PHF21B: variants seen among roughly 807,000 people sequenced by gnomAD.
PHF21B encodes PHD finger protein 4.
Under a neutral mutation model 62.2 loss-of-function variants are expected in PHF21B, and 22 were observed. That is an observed-to-expected ratio of 0.35 (90% CI 0.25 to 0.51). The LOEUF is 0.51. Ranked by LOEUF, PHF21B falls within the 20% of genes least tolerant of loss-of-function variation. The pLI, the probability that PHF21B is intolerant of heterozygous loss-of-function variation, is 0.97. For missense variants in PHF21B, 701 were observed against 707.9 expected, an observed-to-expected ratio of 0.99 and a Z score of 0.11; for synonymous variants, 341 against 314.7, an observed-to-expected ratio of 1.08 and a Z score of -0.88.
chr22:44,984,891 A>T (rs1451322420), intron 2 of PHF21B, among the ~76,000 whole-genome samples: 1 of 152,196 alleles, frequency 6.6e-6, no homozygotes, highest in African/African-American at 2.4e-5. Flanking sequence ...GATTTGTCAG[A>T]CCTATCAAGT....
Position 45,009,403 on chromosome 22 carries a change from A to T in PHF21B, c.54+93T>A, listed in dbSNP as rs2073384458. The T allele has an allele frequency of 1.5e-6, 2 of 1,294,880 alleles. No homozygotes were observed. The highest frequency in any genetic ancestry group is 1.9e-4 in the Middle Eastern group (1 of 5,200). The allele number at this position is 1,294,880 out of a possible 1,614,324, so 80.2% of individuals were successfully genotyped here. A position where few individuals can be genotyped will look rare whatever the true frequency, so the allele number is the denominator to read the frequency against. ...GCAGGCTCCAGCCTGGAAGACCCAGAGACCCGGAAGAGAGGATGCTGGGCT... is the reference window on the plus strand; with the variant it reads ...GCAGGCTCCAGCCTGGAAGACCCAGTGACCCGGAAGAGAGGATGCTGGGCT... On this transcript the variant is annotated intron_variant, in intron 1 of 12. Transcript: ENST00000313237. The surrounding 1 kb of genome is among the most constrained non-coding windows in gnomAD (Gnocchi z 5.9).
intron 5 of PHF21B, among the ~76,000 whole-genome samples, chr22:44,906,231 C>T (rs1443765104): frequency 6.6e-6 from 1 of 152,172 alleles, no homozygotes; most frequent in African/African-American, 2.4e-5. Context: ...GGTCCATTCA[C>T]GTGAACCCAG....
At chr22:44,893,629 G>A in intron 6 of PHF21B, 96 bp from the exon 7 acceptor site, 6 of 1,200,570 alleles carry the variant, frequency 5.0e-6, no homozygotes, top group Non-Finnish European at 7.1e-6. Context: ...ATCCCCTCCT[G>A]CTCTGAAGCC....
At chr22:45,008,832 GGC>G (rs929070118) in intron 1 of PHF21B, 1 of 1,184,354 alleles carries the variant, frequency 8.4e-7, no homozygotes, top group Admixed American at 4.6e-5. Flanking sequence ...CGCGGGGCGG[GGC>G]GGGGGCCGAG....
chr22:44,920,369 A>G, intron 3 of PHF21B, 29 bp downstream of exon 3: 1 of 1,554,100 alleles, frequency 6.4e-7, no homozygotes, highest in African/African-American at 1.4e-5. Context: ...ACAGACGGAC[A>G]CCCCAGGGCC....
chr22:44,882,818 A>C lies in PHF21B; in HGVS notation c.*268T>G. The C allele has an allele frequency of 2.4e-6, 1 of 420,430 alleles. No homozygotes were observed. Among genetic ancestry groups the C allele is most frequent in the Non-Finnish European group, 4.2e-6 (1 of 235,324 alleles). The allele number at this position is 420,430 out of a possible 1,614,324, so 26.0% of individuals were successfully genotyped here. A position where few individuals can be genotyped will look rare whatever the true frequency, so the allele number is the denominator to read the frequency against. ...GAAGCCAGAGGCCCAGGCAGCCCCG[A>C]GGTGGCCGGGGGGAGACTGTGTGCC... On this transcript the variant is annotated 3_prime_UTR_variant, in exon 13 of 13. Coordinates refer to ENST00000313237, the MANE Select transcript of PHF21B (RefSeq NM_138415.5).
chr22:44,938,051 A>C (rs781027320), intron 2 of PHF21B, among the ~76,000 whole-genome samples: 2 of 152,284 alleles, frequency 1.3e-5, no homozygotes, highest in Admixed American at 6.5e-5. Context: ...CAATGTATGC[A>C]AATTTTATCT....
intron 2 of PHF21B, among the ~76,000 whole-genome samples, chr22:44,946,172 C>G (rs2072065763): frequency 1.3e-5 from 2 of 152,024 alleles, no homozygotes; most frequent in Non-Finnish European, 2.9e-5. Context: ...AGAGGAGGTG[C>G]ACTGCGGCAG....
intron 2 of PHF21B, among the ~76,000 whole-genome samples, chr22:44,985,045 G>A (rs1251847342): frequency 6.6e-6 from 1 of 152,182 alleles, no homozygotes; most frequent in Non-Finnish European, 1.5e-5. Context: ...TGTCAGCAGG[G>A]CATCCTCCAG....
chr22:44,991,239 C>T (rs1270839868), intron 2 of PHF21B, among the ~76,000 whole-genome samples: 1 of 152,174 alleles, frequency 6.6e-6, no homozygotes, highest in East Asian at 1.9e-4. Context: ...GCTTGATGTG[C>T]ACGCTATTAA....
chr22:44,936,873 T>TC (rs200466548), intron 2 of PHF21B, among the ~76,000 whole-genome samples: 3,095 of 148,968 alleles, frequency 0.021, 113 homozygotes, highest in African/African-American at 0.07. Flanking sequence ...TTTCTTTCTT[T>TC]TTTTTTTTTT....
intron 2 of PHF21B, among the ~76,000 whole-genome samples, chr22:44,925,359 AG>A (rs1274289994): frequency 2.0e-5 from 3 of 152,230 alleles, no homozygotes; most frequent in Non-Finnish European, 4.4e-5. Context: ...CTCCACCCCT[AG>A]AATGAATATC....
intron 2 of PHF21B, among the ~76,000 whole-genome samples, chr22:44,959,983 C>G (rs9614593): frequency 0.8 from 121,051 of 152,196 alleles, 48,340 homozygotes; most frequent in East Asian, 0.89. Context: ...GGGCCAGTCT[C>G]CACCCCAGAG....
At chr22:45,006,716 T>C (rs185975035) in intron 2 of PHF21B, among the ~76,000 whole-genome samples, 1 of 152,248 alleles carries the variant, frequency 6.6e-6, no homozygotes, top group Admixed American at 6.5e-5. Context: ...GAAAAGCTCC[T>C]AGGTTATTGG....
chr22:44,948,710 G>C (rs957070753), intron 2 of PHF21B, among the ~76,000 whole-genome samples: 9 of 150,366 alleles, frequency 6.0e-5, no homozygotes, highest in African/African-American at 2.0e-4. Context: ...AAAAAAAAGA[G>C]AGACAGAGAA....
In PHF21B at chr22:44,885,449, G is replaced by C; in HGVS notation, c.1354C>G (p.Arg452Gly). ...NEHQQLEERD[R>G]RLASAVQKCL... ...ACCTGCACTGCTGACGCCAGCCGCC[G>C]GTCCCGCTCCTCCAGCTGCTGGTGC... is the stretch of plus-strand genomic sequence containing the variant. Residue 452 changes from arginine (R) to glycine (G), a missense_variant, in exon 12 of 13, where the codon CGG becomes GGG. Arg to Gly is a moderately radical substitution (Grantham distance 125). Transcript: ENST00000313237. 1 of 1,589,448 alleles carries C rather than the reference G, an allele frequency of 6.3e-7. No individual in the cohort carries two copies. Among genetic ancestry groups the C allele is most frequent in the African/African-American group, 1.3e-5 (1 of 74,724 alleles).
At chr22:44,966,351 C>T (rs1398605360) in intron 2 of PHF21B, among the ~76,000 whole-genome samples, 5 of 152,224 alleles carry the variant, frequency 3.3e-5, no homozygotes, top group Non-Finnish European at 7.3e-5. Flanking sequence ...GGCACTTGCC[C>T]AAGGTCACAC....
At chr22:44,907,843 C>T (rs535603521) in intron 5 of PHF21B, among the ~76,000 whole-genome samples, 102 of 152,272 alleles carry the variant, frequency 6.7e-4, no homozygotes, top group Non-Finnish European at 1.3e-3. Context: ...CACAGACTGG[C>T]CTGTGAGCTC....
chr22:44,913,915 T>C lies in PHF21B; in HGVS notation c.738A>G (p.Ala246=). ...PQVQTQPEST[A]ESRPPTEEPS... The stretch of plus-strand genomic sequence containing the variant: ...GCTCCTCTGTGGGCGGCCGCGACTC[T>C]GCCGTGCTCTCGGGCTGCGTCTGCA... Residue 246 remains alanine, a synonymous_variant, in exon 5 of 13, where the codon GCA becomes GCG. Transcript: ENST00000313237. The C allele has an allele frequency of 1.2e-6, 2 of 1,611,066 alleles. No individual in the cohort carries two copies. Among genetic ancestry groups the C allele is most frequent in the East Asian group, 2.2e-5 (1 of 44,594 alleles).
Sources: allele counts gnomAD v4.1 joint callset (sites outside exome capture counted in the v4.1 genomes callset), GRCh38; gene constraint gnomAD v4.1.1; non-coding constraint Gnocchi (gnomAD v3.1); transcripts MANE v1.5; gene names NCBI Gene and HGNC (gene_info 2026-07-23, HGNC 2026-07-21).